Variants in PRDM16 observed in about 807,000 individuals in gnomAD.
PRDM16 encodes histone-lysine N-methyltransferase PRDM16.
PRDM16 carries 23 observed loss-of-function variants against 110.6 expected under a neutral mutation model. The observed-to-expected ratio is 0.21, with a 90% CI of 0.15 to 0.29. The LOEUF (loss-of-function observed/expected upper bound fraction) is 0.29, where lower values mean the gene tolerates loss of function less well. Ranked by LOEUF, PRDM16 falls within the 10% of genes least tolerant of loss-of-function variation. PRDM16 has a pLI of 1.00. For synonymous variants in PRDM16, 799 were observed against 781.8 expected (o/e 1.02, Z -0.37); for missense variants, 1,615 against 1,794.3 (o/e 0.90, Z 1.81).
Position 3,201,660 on chromosome 1 carries a change from T to G in PRDM16, c.387+15186T>G, listed in dbSNP as rs542279020. On this transcript the variant is annotated intron_variant, in intron 2 of 16. Coordinates refer to ENST00000270722, the MANE Select transcript of PRDM16 (RefSeq NM_022114.4). The surrounding 1 kb of genome is among the most constrained non-coding windows in gnomAD (Gnocchi z 4.1). ...CGTTTCTCCAGTGACCCCTGGCAGG[T>G]CGGGGACCCCAGCCACTTCCAGCAC... 2.9e-4 allele frequency among the ~76,000 whole-genome samples: 44 copies of G among 152,250 alleles called. No individual in the cohort carries two copies. The East Asian group carries it at 7.7e-3, about 27-fold the overall frequency.
intron 15 of PRDM16, among the ~76,000 whole-genome samples, chr1:3,431,668 C>G (rs1638772749): frequency 6.6e-6 from 1 of 152,236 alleles, no homozygotes; most frequent in South Asian, 2.1e-4. Context: ...TGCCTGGGGT[C>G]TTAGAGAATT....
At chr1:3,203,063 T>G (rs894150110) in intron 2 of PRDM16, among the ~76,000 whole-genome samples, 6 of 152,160 alleles carry the variant, frequency 3.9e-5, no homozygotes, top group African/African-American at 1.4e-4. Flanking sequence ...TCATCCCCGA[T>G]GAATTTGCTG....
At chr1:3,391,561 G>A (rs1431286586) in intron 4 of PRDM16, among the ~76,000 whole-genome samples, 2 of 152,234 alleles carry the variant, frequency 1.3e-5, no homozygotes, top group Admixed American at 6.5e-5. Context: ...CTAAGAAACA[G>A]ATAAGTGTGC....
chr1:3,352,469 G>C (rs1243295370), intron 3 of PRDM16, among the ~76,000 whole-genome samples: 1 of 152,196 alleles, frequency 6.6e-6, no homozygotes, highest in East Asian at 1.9e-4. Flanking sequence ...GATTCCAGTA[G>C]CATTTCCGCC....
At chr1:3,389,645 A>G (rs768176487) in intron 4 of PRDM16, among the ~76,000 whole-genome samples, 8 of 152,084 alleles carry the variant, frequency 5.3e-5, no homozygotes, top group African/African-American at 1.7e-4. Flanking sequence ...GTGGTTTTCT[A>G]TTTGCACAAG....
chr1:3,258,752 C>G (rs1640100360), intron 3 of PRDM16, among the ~76,000 whole-genome samples: 3 of 152,246 alleles, frequency 2.0e-5, no homozygotes, highest in Admixed American at 2.0e-4. Flanking sequence ...AAAGCATCCA[C>G]TGTAGCCGGC....
In PRDM16 at chr1:3,157,324, TTTG is replaced by T. The variant is rs1643866715; in HGVS notation, c.38-28796_38-28794del. Among the ~76,000 whole-genome samples the T allele has an allele frequency of 6.6e-6, 1 of 151,966 alleles. No homozygotes were observed. The highest frequency in any genetic ancestry group is 1.5e-5 in the Non-Finnish European group (1 of 67,982). On this transcript the variant is annotated intron_variant, in intron 1 of 16. Transcript: ENST00000270722. The surrounding 1 kb of genome is among the most constrained non-coding windows in gnomAD (Gnocchi z 4.8). ...AGTACGTCCCAAACACAGCCAGCAT[TTTG>T]TTGTGTTTACCGCATTTATTCTATT...
At chr1:3,269,786 AAGTCTCAGAGGAGGAC>A (rs1640390818) in intron 3 of PRDM16, among the ~76,000 whole-genome samples, 1 of 143,682 alleles carries the variant, frequency 7.0e-6, no homozygotes, top group Non-Finnish European at 1.5e-5. Context: ...CAGAGGAGGA[AAGTCTCAGAGGAGGAC>A]AGTCCCAGAG....
At chr1:3,389,374 G>T (rs1235609815) in intron 4 of PRDM16, among the ~76,000 whole-genome samples, 1 of 152,218 alleles carries the variant, frequency 6.6e-6, no homozygotes, top group Non-Finnish European at 1.5e-5. Flanking sequence ...CCCATCTCAG[G>T]CCCCATGGGA....
At chr1:3,298,424 C>T (rs2100381399) in intron 3 of PRDM16, among the ~76,000 whole-genome samples, 1 of 152,366 alleles carries the variant, frequency 6.6e-6, no homozygotes, top group South Asian at 2.1e-4. Context: ...CGACACCAGC[C>T]TGGGAAATGA....
intron 3 of PRDM16, among the ~76,000 whole-genome samples, chr1:3,340,139 G>T (rs1197070182): frequency 1.3e-5 from 2 of 152,160 alleles, no homozygotes; most frequent in Non-Finnish European, 2.9e-5. Context: ...TTTCCTTTGG[G>T]TAAAACACAG....
intron 2 of PRDM16, among the ~76,000 whole-genome samples, chr1:3,198,027 C>T (rs1167095052): frequency 1.3e-5 from 2 of 152,190 alleles, no homozygotes; most frequent in African/African-American, 4.8e-5. Flanking sequence ...GCCACCTTGG[C>T]CTCAACCAGA....
intron 8 of PRDM16, 104 bp downstream of exon 8, chr1:3,405,752 C>A (rs946454669): frequency 1.6e-6 from 2 of 1,245,074 alleles, no homozygotes; most frequent in Middle Eastern, 2.0e-4. Flanking sequence ...ATCCGAGGGG[C>A]CCCAGTTTGT....
At chr1:3,231,357 G>A (rs920099943) in intron 2 of PRDM16, among the ~76,000 whole-genome samples, 3 of 93,504 alleles carry the variant, frequency 3.2e-5, no homozygotes, top group Admixed American at 1.0e-4. Context: ...GCCAGGCAGC[G>A]TTGCTGTTTG....
At chr1:3,122,646 C>T (rs948081932) in intron 1 of PRDM16, among the ~76,000 whole-genome samples, 2 of 152,172 alleles carry the variant, frequency 1.3e-5, no homozygotes, top group African/African-American at 2.4e-5. Context: ...CAGCAAATAC[C>T]GCAGCCCTGC....
intron 2 of PRDM16, among the ~76,000 whole-genome samples, chr1:3,240,711 G>GC (rs35579292): frequency 3.9e-5 from 6 of 152,328 alleles, no homozygotes; most frequent in South Asian, 2.1e-4. Context: ...AGCAAGCTGA[G>GC]CCCCCCTGGG....
chr1:3,360,777 C>T (rs895370778), intron 3 of PRDM16, among the ~76,000 whole-genome samples: 1 of 152,202 alleles, frequency 6.6e-6, no homozygotes, highest in African/African-American at 2.4e-5. Flanking sequence ...CCACAGCGCC[C>T]GCAGATGACA....
At chr1:3,352,201 G>A (rs1010145115) in intron 3 of PRDM16, among the ~76,000 whole-genome samples, 5 of 152,128 alleles carry the variant, frequency 3.3e-5, no homozygotes, top group South Asian at 2.1e-4. Context: ...TTCTCCCTCC[G>A]TGTTTGGCCC....
At position 3,244,236 on chromosome 1, in the gene PRDM16, T is replaced by A; in HGVS notation, c.438+99T>A. ...AGCTGTCCCTGAGCTAACAAGCGTGTAGTCGGAATGTTGCTGGCAGGCCCC... is the reference window on the plus strand; with the variant it reads ...AGCTGTCCCTGAGCTAACAAGCGTGAAGTCGGAATGTTGCTGGCAGGCCCC... On this transcript the variant is annotated intron_variant, in intron 3 of 16. Coordinates refer to ENST00000270722, the MANE Select transcript of PRDM16 (RefSeq NM_022114.4). The surrounding 1 kb of genome is among the most constrained non-coding windows in gnomAD (Gnocchi z 4.1). The A allele has an allele frequency of 8.9e-7, 1 of 1,121,914 alleles. No homozygotes were observed. Among genetic ancestry groups the A allele is most frequent in the Non-Finnish European group, 1.3e-6 (1 of 746,142 alleles). The allele number at this position is 1,121,914 out of a possible 1,614,324, so 69.5% of individuals were successfully genotyped here.
Sources: gnomAD v4.1 joint callset for allele counts (sites outside exome capture counted in the v4.1 genomes callset) on GRCh38, gnomAD v4.1.1 for gene constraint, Gnocchi (gnomAD v3.1) non-coding constraint, MANE v1.5 for transcripts, NCBI Gene and HGNC (gene_info 2026-07-23, HGNC 2026-07-21) for gene names.